HDAC9: variants seen among roughly 807,000 people sequenced by gnomAD.
HDAC9 encodes MEF-2 interacting transcription repressor (MITR) protein.
In HDAC9, 41 loss-of-function variants were observed where a neutral mutation model predicts 139.4. The observed-to-expected ratio is 0.29, with a 90% CI of 0.23 to 0.38. HDAC9 has a LOEUF of 0.38. HDAC9 is among the 10% of genes least tolerant of loss of function. HDAC9 has a pLI of 1.00. For synonymous variants in HDAC9, 517 were observed against 476.2 expected, an observed-to-expected ratio of 1.09 and a Z score of -1.12; for missense variants, 1,147 against 1,297.0, an observed-to-expected ratio of 0.88 and a Z score of 1.78.
upstream of HDAC9, among the ~76,000 whole-genome samples, chr7:18,491,656 G>A (rs1796377330): frequency 6.6e-6 from 1 of 151,924 alleles, no homozygotes; most frequent in Non-Finnish European, 1.5e-5. Context: ...ACATGTTTGG[G>A]TTCAGAAGTA....
chr7:18,664,952 G>T (rs1218570732), intron 11 of HDAC9, among the ~76,000 whole-genome samples: 3 of 152,132 alleles, frequency 2.0e-5, no homozygotes, highest in Non-Finnish European at 4.4e-5. Context: ...TTGAACAAAT[G>T]AATGAAAATT....
chr7:18,107,233 G>A (rs879379590), intron 1 of HDAC9, among the ~76,000 whole-genome samples: 10 of 152,114 alleles, frequency 6.6e-5, no homozygotes, highest in Middle Eastern at 3.4e-3. Flanking sequence ...GTAAATATCC[G>A]TTTCTTTTTC....
rs185079945 is a variant in HDAC9, at chr7:18,897,464, A to C, written c.2803+22868A>C. Reference sequence around the variant, plus strand: ...AAAAATAATGTGACTCCTAAAATGCAGTGTTACAATTTACTAAAAATTGTT... The same window carrying C: ...AAAAATAATGTGACTCCTAAAATGCCGTGTTACAATTTACTAAAAATTGTT... On this transcript the variant is annotated intron_variant, in intron 22 of 25. Transcript: ENST00000686413. Among the ~76,000 whole-genome samples, 479 of 152,100 alleles carry C rather than the reference A, an allele frequency of 3.1e-3. 5 individuals carry two copies. The highest frequency in any genetic ancestry group is 0.027 in the Middle Eastern group (8 of 294).
chr7:18,593,813 C>T, intron 5 of HDAC9, 95 bp from the exon 6 acceptor site: 1 of 1,322,532 alleles, frequency 7.6e-7, no homozygotes. Flanking sequence ...ATAAACATAG[C>T]TGAGGCACGT....
intron 22 of HDAC9, among the ~76,000 whole-genome samples, chr7:18,916,463 C>G (rs1439727149): frequency 6.6e-6 from 1 of 151,890 alleles, no homozygotes; most frequent in Non-Finnish European, 1.5e-5. Context: ...TTGATGAATT[C>G]TGTTATGTGG....
At chr7:18,765,532 T>C (rs1789759319) in intron 15 of HDAC9, among the ~76,000 whole-genome samples, 1 of 152,018 alleles carries the variant, frequency 6.6e-6, no homozygotes, top group Admixed American at 6.6e-5. Flanking sequence ...GGCAGAAGAA[T>C]CGGTGGAGGC....
chr7:18,354,638 C>G (rs1341416054), intron 1 of HDAC9, among the ~76,000 whole-genome samples: 4 of 152,154 alleles, frequency 2.6e-5, no homozygotes, highest in Non-Finnish European at 4.4e-5. Flanking sequence ...ACTTAAAAAT[C>G]AAACCATTAA....
intron 1 of HDAC9, among the ~76,000 whole-genome samples, chr7:18,122,225 A>G (rs547746500): frequency 2.0e-5 from 3 of 152,320 alleles, no homozygotes; most frequent in East Asian, 1.9e-4. Flanking sequence ...GACCATATGC[A>G]TATTTACCAG....
intron 1 of HDAC9, among the ~76,000 whole-genome samples, chr7:18,437,606 A>G (rs1311635240): frequency 6.6e-6 from 1 of 150,474 alleles, no homozygotes; most frequent in Non-Finnish European, 1.5e-5. Context: ...TATATAAAGT[A>G]TGATATGAAA....
intron 1 of HDAC9, among the ~76,000 whole-genome samples, chr7:18,405,790 G>A (rs1787949892): frequency 6.6e-6 from 1 of 152,056 alleles, no homozygotes; most frequent in African/African-American, 2.4e-5. Context: ...TTCAACTTTA[G>A]CACTTGAACT....
intron 2 of HDAC9, among the ~76,000 whole-genome samples, chr7:18,196,395 C>T (rs757067446): frequency 6.6e-6 from 1 of 152,120 alleles, no homozygotes; most frequent in Non-Finnish European, 1.5e-5. Context: ...GGTAAAGCTT[C>T]AGACAAACCT....
intron 21 of HDAC9, among the ~76,000 whole-genome samples, chr7:18,855,893 C>G (rs565976297): frequency 6.6e-6 from 1 of 152,190 alleles, no homozygotes; most frequent in East Asian, 1.9e-4. Flanking sequence ...CGTCATCTTC[C>G]TTGACTTCAT....
At chr7:18,409,102 C>A (rs770603058) in intron 1 of HDAC9, among the ~76,000 whole-genome samples, 11 of 152,000 alleles carry the variant, frequency 7.2e-5, no homozygotes, top group Non-Finnish European at 1.6e-4. Context: ...AGTTGCCTTG[C>A]AAAAAAATTC....
chr7:18,780,123 C>T (rs1791120082), intron 16 of HDAC9, among the ~76,000 whole-genome samples: 1 of 152,014 alleles, frequency 6.6e-6, no homozygotes, highest in Non-Finnish European at 1.5e-5. Flanking sequence ...CATTGCTACT[C>T]ATCCGTGGAC....
chr7:18,387,837 T>G (rs1786084343), intron 1 of HDAC9, among the ~76,000 whole-genome samples: 1 of 152,190 alleles, frequency 6.6e-6, no homozygotes, highest in South Asian at 2.1e-4. Flanking sequence ...GGACTGTGTT[T>G]GTGACAGTAA....
chr7:18,460,639 C>G (rs979661849), intron 1 of HDAC9, among the ~76,000 whole-genome samples: 8 of 151,744 alleles, frequency 5.3e-5, no homozygotes, highest in Admixed American at 5.3e-4. Flanking sequence ...ACAAAATTAG[C>G]GAGGCGTGGT....
intron 6 of HDAC9, among the ~76,000 whole-genome samples, chr7:18,598,820 A>G (rs1833168265): frequency 6.6e-6 from 1 of 152,240 alleles, no homozygotes. Flanking sequence ...TCACAAGGCT[A>G]CTGTCAAAAT....
At position 18,996,061 on chromosome 7, in the gene HDAC9, G is replaced by A. The variant is rs1467595479; in HGVS notation, c.3209G>A (p.Ter1070=). ...CCTATGGAAGAGGAGCCAGCCTTGTGAAGTGCCAAGTCCCCCTCTGATATT... is the reference window on the plus strand; with the variant it reads ...CCTATGGAAGAGGAGCCAGCCTTGTAAAGTGCCAAGTCCCCCTCTGATATT... ...GEPMEEEPAL[*] Residue 1070 remains the stop codon, a stop_retained_variant, in exon 26 of 26, where the codon TGA becomes TAA. Coordinates refer to ENST00000686413, the MANE Select transcript of HDAC9 (RefSeq NM_178425.4). 6.2e-7 allele frequency: 1 copy of A among 1,603,466 alleles called. No homozygotes were observed. The highest frequency in any genetic ancestry group is 1.3e-5 in the African/African-American group (1 of 74,682).
chr7:18,126,638 T>C (rs947474895), intron 1 of HDAC9, among the ~76,000 whole-genome samples: 1 of 152,160 alleles, frequency 6.6e-6, no homozygotes, highest in African/African-American at 2.4e-5. Context: ...GGTGTTTTAT[T>C]AGCTTCAATT....
Sources: gnomAD v4.1 joint callset for allele counts (sites outside exome capture counted in the v4.1 genomes callset) on GRCh38, gnomAD v4.1.1 for gene constraint, MANE v1.5 for transcripts, NCBI Gene and HGNC (gene_info 2026-07-23, HGNC 2026-07-21) for gene names.